The following MPDZ variants were observed in gnomAD, a reference collection of about 807,000 sequenced individuals.
MPDZ encodes multiple PDZ domain crumbs cell polarity complex component, also known as multiple PDZ domain protein.
Under a neutral mutation model 239.1 loss-of-function variants are expected in MPDZ, and 234 were observed. The ratio of observed to expected loss-of-function variants is 0.98; its 90% CI spans 0.88 to 1.09. MPDZ has a LOEUF of 1.09. Ranked by LOEUF, MPDZ falls within the 50% of genes least tolerant of loss-of-function variation. The probability of loss-of-function intolerance (pLI) is 0.00; values close to 1 mark genes in which losing one functional copy is unlikely to be tolerated. For missense variants in MPDZ, 3,175 were observed against 2,510.0 expected (o/e 1.26, Z -5.66); for synonymous variants, 1,048 against 881.3 (o/e 1.19, Z -3.35).
chr9:13,188,869 T>C lies in MPDZ; in HGVS notation c.2279A>G (p.Glu760Gly). ...TACAGCTTCCTCAAGACTGCTGTTTTCCAAGTTAACATCGTTTACAAACAT... is the reference window on the plus strand; with the variant it reads ...TACAGCTTCCTCAAGACTGCTGTTTCCCAAGTTAACATCGTTTACAAACAT... The part of the protein sequence containing the change: ...RLMFVNDVNL[E>G]NSSLEEAVEA... The change falls in exon 17 of 47, where the codon GAA becomes GGA. Residue 760 changes from glutamate to glycine, a missense_variant. By Grantham distance (98) the Glu-to-Gly change is moderately conservative. Transcript: ENST00000319217. 6.2e-7 allele frequency: 1 copy of C among 1,613,602 alleles called. No homozygotes were observed. Among genetic ancestry groups the C allele is most frequent in the Admixed American group, 1.7e-5 (1 of 59,992 alleles).
chr9:13,250,095 A>G (rs552374004), intron 2 of MPDZ, among the ~76,000 whole-genome samples: 9 of 152,354 alleles, frequency 5.9e-5, no homozygotes, highest in Admixed American at 5.2e-4. Flanking sequence ...ATTTTTGCTT[A>G]TAAGTAACGT....
At chr9:13,166,844 T>C (rs1192955786) in intron 22 of MPDZ, among the ~76,000 whole-genome samples, 1 of 152,112 alleles carries the variant, frequency 6.6e-6, no homozygotes, top group Admixed American at 6.6e-5. Flanking sequence ...GAAAATGTAC[T>C]TCAAAAGTTT....
At chr9:13,164,859 G>A (rs1383523944) in intron 22 of MPDZ, among the ~76,000 whole-genome samples, 3 of 152,122 alleles carry the variant, frequency 2.0e-5, no homozygotes, top group Non-Finnish European at 4.4e-5. Flanking sequence ...CCTGGTCACA[G>A]GATCATACAG....
chr9:13,168,376 G>A lies in MPDZ; in HGVS notation c.3244C>T (p.Pro1082Ser), dbSNP rs1234891733. 15 of 1,611,844 alleles carry A rather than the reference G, an allele frequency of 9.3e-6. No homozygotes were observed. The highest frequency in any genetic ancestry group is 8.0e-5 in the African/African-American group (6 of 74,788). The change falls in exon 22 of 47, where the codon CCT becomes TCT. Residue 1082 changes from proline (P) to serine (S), a missense_variant. Transcript: ENST00000319217. ...TCAAATGATACTTACTTTATGTCAGGGCCAATGAGAGAATGTCTTCTCAAC... is the reference window on the plus strand; with the variant it reads ...TCAAATGATACTTACTTTATGTCAGAGCCAATGAGAGAATGTCTTCTCAAC... Reference protein sequence around the residue: ...AMLRRHSLIGPDIKITYVPAE... With the variant: ...AMLRRHSLIGSDIKITYVPAE...
At chr9:13,187,933 T>C (rs878982252) in intron 17 of MPDZ, among the ~76,000 whole-genome samples, 1 of 152,176 alleles carries the variant, frequency 6.6e-6, no homozygotes. Flanking sequence ...CAGTAATTTA[T>C]GATTTGGGAG....
At chr9:13,133,704 C>A in intron 32 of MPDZ, 120 bp downstream of exon 32, 2 of 631,202 alleles carry the variant, frequency 3.2e-6, no homozygotes, top group East Asian at 3.3e-5. Flanking sequence ...GCAGTTCTAA[C>A]AAAACCTCAG....
Position 13,140,051 on chromosome 9 carries a change from T to A in MPDZ, c.3939A>T (p.Thr1313=), listed in dbSNP as rs749810390. The A allele has an allele frequency of 5.0e-5, 81 of 1,612,986 alleles. No homozygotes were observed. The highest frequency in any genetic ancestry group is 5.8e-5 in the Non-Finnish European group (69 of 1,179,710). Reference sequence around the variant, plus strand: ...GTGAGATTTTGCTTGCAGATGACTGTGTGTGATCACTACCCATTTCGGCAA... The same window carrying A: ...GTGAGATTTTGCTTGCAGATGACTGAGTGTGATCACTACCCATTTCGGCAA... ...SAFAEMGSDH[T]QSSASKISQD... Residue 1313 remains threonine (T), a synonymous_variant, in exon 28 of 47, where the codon ACA becomes ACT. Coordinates refer to ENST00000319217, the MANE Select transcript of MPDZ (RefSeq NM_001378778.1).
At chr9:13,178,795 CA>C (rs1429426625) in intron 19 of MPDZ, among the ~76,000 whole-genome samples, 1 of 152,134 alleles carries the variant, frequency 6.6e-6, no homozygotes, top group Non-Finnish European at 1.5e-5. Flanking sequence ...TTAGTTTGTA[CA>C]GGTAATATTT....
In MPDZ at chr9:13,112,017, G is replaced by A. The variant is rs565420901; in HGVS notation, c.5724+7C>T. The A allele has an allele frequency of 2.2e-5, 36 of 1,612,870 alleles. No homozygotes were observed. In the African/African-American group the frequency reaches 2.3e-4, roughly 10 times the overall value. On this transcript the variant is annotated splice_region_variant and intron_variant, in intron 43 of 46. Transcript: ENST00000319217. ...CTAGGGCTTCTAGGGTTGATAGTAC[G>A]ACTCACTCTGAGTTTTTGGGTCTGT...
intron 19 of MPDZ, among the ~76,000 whole-genome samples, chr9:13,181,489 G>C (rs1953321605): frequency 1.3e-5 from 2 of 152,104 alleles, no homozygotes; most frequent in Admixed American, 6.5e-5. Context: ...TGCAGGAACA[G>C]TCCTACTTTT....
chr9:13,269,991 TA>T (rs1972601952), intron 1 of MPDZ, among the ~76,000 whole-genome samples: 1 of 152,234 alleles, frequency 6.6e-6, no homozygotes, highest in South Asian at 2.1e-4. Flanking sequence ...CTACACTATT[TA>T]GTTACCATAT....
intron 10 of MPDZ, among the ~76,000 whole-genome samples, chr9:13,212,892 T>C (rs1030988075): frequency 1.3e-5 from 2 of 151,606 alleles, no homozygotes; most frequent in East Asian, 1.9e-4. Context: ...GAAATACTAG[T>C]TGGAACAACT....
chr9:13,113,721 T>C lies in MPDZ; in HGVS notation c.5557+210A>G, dbSNP rs147880803. Among the ~76,000 whole-genome samples, 591 of 152,362 alleles carry C rather than the reference T, an allele frequency of 3.9e-3. 8 individuals are homozygous for C. The highest frequency in any genetic ancestry group is 0.014 in the African/African-American group (571 of 41,598). On this transcript the variant is annotated intron_variant, in intron 41 of 46. Coordinates refer to ENST00000319217, the MANE Select transcript of MPDZ (RefSeq NM_001378778.1). ...ATTACAGAATCCTGATTATAATGTT[T>C]AGTGTATCTTGTAGGGTAAACATCA... is the stretch of plus-strand genomic sequence containing the variant.
chr9:13,118,204 T>C (rs1032642003), intron 39 of MPDZ, among the ~76,000 whole-genome samples: 2 of 152,178 alleles, frequency 1.3e-5, no homozygotes, highest in African/African-American at 4.8e-5. Context: ...GATGCTTCCA[T>C]TTTTTCTTTC....
At position 13,190,100 on chromosome 9, in the gene MPDZ, T is replaced by C; in HGVS notation, c.2154+14A>G. The C allele has an allele frequency of 6.2e-7, 1 of 1,604,988 alleles. No individual in the cohort carries two copies. The highest frequency in any genetic ancestry group is 1.1e-5 in the South Asian group (1 of 89,774). ...ATAGGCCTTTAAAAATTGTTAAAAGTAGTATATACTTACCTGATAATCTAA... is the reference window on the plus strand; with the variant it reads ...ATAGGCCTTTAAAAATTGTTAAAAGCAGTATATACTTACCTGATAATCTAA... On this transcript the variant is annotated intron_variant, in intron 16 of 46. Coordinates refer to ENST00000319217, the MANE Select transcript of MPDZ (RefSeq NM_001378778.1).
chr9:13,261,761 G>A (rs1970735877), intron 1 of MPDZ, among the ~76,000 whole-genome samples: 1 of 151,744 alleles, frequency 6.6e-6, no homozygotes, highest in South Asian at 2.1e-4. Flanking sequence ...ACAGAGTATG[G>A]TGGCTCATAC....
chr9:13,272,767 T>C (rs1023110948), intron 1 of MPDZ, among the ~76,000 whole-genome samples: 3 of 150,698 alleles, frequency 2.0e-5, no homozygotes, highest in Admixed American at 6.6e-5. Context: ...GATTCAGGCC[T>C]GACTTATTAA....
Position 13,115,345 on chromosome 9 carries a change from G to T in MPDZ, c.5380-11C>A. The T allele has an allele frequency of 1.2e-6, 2 of 1,601,530 alleles. No homozygotes were observed. Among genetic ancestry groups the T allele is most frequent in the Non-Finnish European group, 1.7e-6 (2 of 1,169,830 alleles). On this transcript the variant is annotated splice_polypyrimidine_tract_variant and intron_variant, in intron 39 of 46. Coordinates refer to ENST00000319217, the MANE Select transcript of MPDZ (RefSeq NM_001378778.1). ...TGTGCCTAGGGAACACTGGGGGTGG[G>T]CATGGGGGGTGTTTTATGGAAATGT...
At chr9:13,164,680 G>A (rs530018793) in intron 22 of MPDZ, among the ~76,000 whole-genome samples, 24 of 152,092 alleles carry the variant, frequency 1.6e-4, no homozygotes, top group African/African-American at 5.1e-4. Flanking sequence ...TTATTTTACC[G>A]AAAGGTGAGG....
Sources: allele counts gnomAD v4.1 joint callset (sites outside exome capture counted in the v4.1 genomes callset), GRCh38; gene constraint gnomAD v4.1.1; transcripts MANE v1.5; gene names NCBI Gene and HGNC (gene_info 2026-07-23, HGNC 2026-07-21).